Variants in WDR72 observed in about 807,000 individuals in gnomAD.
WDR72 encodes the protein WD repeat-containing protein 72.
Under a neutral mutation model 124.2 loss-of-function variants are expected in WDR72, and 120 were observed. That is an observed-to-expected ratio of 0.97 (90% CI 0.83 to 1.12). The LOEUF (loss-of-function observed/expected upper bound fraction) is 1.12, where lower values mean the gene tolerates loss of function less well. Among genes scored for constraint, WDR72 ranks in the 50% most tolerant of loss-of-function variants. The pLI is 0.00. For missense variants in WDR72, 1,387 were observed against 1,278.8 expected (o/e 1.08, Z -1.29); for synonymous variants, 452 against 441.7 (o/e 1.02, Z -0.29).
At chr15:53,556,922 C>T (rs986353687) in intron 18 of WDR72, among the ~76,000 whole-genome samples, 20 of 151,946 alleles carry the variant, frequency 1.3e-4, no homozygotes, top group African/African-American at 4.1e-4. Context: ...ATATAGTACA[C>T]ATACACATAC....
At chr15:53,683,282 G>A (rs2016465163) in intron 13 of WDR72, among the ~76,000 whole-genome samples, 1 of 152,114 alleles carries the variant, frequency 6.6e-6, no homozygotes, top group African/African-American at 2.4e-5. Flanking sequence ...CATCAGAATA[G>A]GGTGACTAGA....
chr15:53,663,881 T>A (rs2015690503), intron 14 of WDR72, among the ~76,000 whole-genome samples: 1 of 151,146 alleles, frequency 6.6e-6, no homozygotes, highest in Admixed American at 6.6e-5. Flanking sequence ...GAAGTTTCAA[T>A]GCATCTCTAT....
intron 9 of WDR72, among the ~76,000 whole-genome samples, chr15:53,709,950 C>G (rs1385010304): frequency 1.3e-5 from 2 of 152,160 alleles, no homozygotes; most frequent in Non-Finnish European, 2.9e-5. Flanking sequence ...CTTCCACTCT[C>G]CATGAAATAA....
chr15:53,603,717 G>C (rs1052051365), intron 17 of WDR72, among the ~76,000 whole-genome samples: 1 of 151,976 alleles, frequency 6.6e-6, no homozygotes, highest in African/African-American at 2.4e-5. Flanking sequence ...AATCACAAAC[G>C]AACTCCCATT....
chr15:53,745,026 C>A (rs944216447), intron 1 of WDR72, among the ~76,000 whole-genome samples: 10 of 104,398 alleles, frequency 9.6e-5, no homozygotes, highest in Admixed American at 8.6e-4. Flanking sequence ...TCAAACTATA[C>A]TTTATTGTAA....
intron 18 of WDR72, among the ~76,000 whole-genome samples, chr15:53,562,733 C>G (rs1446553348): frequency 6.6e-6 from 1 of 151,812 alleles, no homozygotes; most frequent in Admixed American, 6.6e-5. Flanking sequence ...CTATCCCCTA[C>G]TGCAAACCCT....
At chr15:53,760,212 A>T (rs1266958367), upstream of WDR72, among the ~76,000 whole-genome samples, 1 of 151,958 alleles carries the variant, frequency 6.6e-6, no homozygotes, top group Non-Finnish European at 1.5e-5. Flanking sequence ...TAACTGCACA[A>T]TTATATTATT....
intron 14 of WDR72, among the ~76,000 whole-genome samples, chr15:53,653,890 T>C (rs2015327322): frequency 6.6e-6 from 1 of 152,124 alleles, no homozygotes; most frequent in Non-Finnish European, 1.5e-5. Context: ...AGATATAATA[T>C]ATTTTAAAAT....
intron 18 of WDR72, among the ~76,000 whole-genome samples, chr15:53,585,590 G>A (rs775028207): frequency 1.6e-4 from 24 of 151,968 alleles, no homozygotes; most frequent in African/African-American, 4.1e-4. Flanking sequence ...TTTGTCTACC[G>A]TCTGTCTATT....
chr15:53,567,694 T>C (rs1005856154), intron 18 of WDR72, among the ~76,000 whole-genome samples: 1 of 152,118 alleles, frequency 6.6e-6, no homozygotes, highest in African/African-American at 2.4e-5. Context: ...AAACACCTTT[T>C]TTATGTGTTT....
intron 19 of WDR72, among the ~76,000 whole-genome samples, chr15:53,522,221 T>C (rs1401004593): frequency 6.6e-6 from 1 of 152,020 alleles, no homozygotes; most frequent in African/African-American, 2.4e-5. Flanking sequence ...TAACTCTCCT[T>C]GGGGAAGGAT....
intron 2 of WDR72, among the ~76,000 whole-genome samples, chr15:53,730,889 G>T (rs556114442): frequency 5.3e-5 from 8 of 152,206 alleles, no homozygotes; most frequent in African/African-American, 1.4e-4. Flanking sequence ...ACTGAAAAGT[G>T]CCCTTGATTT....
intron 3 of WDR72, among the ~76,000 whole-genome samples, chr15:53,722,104 G>T (rs1015907384): frequency 2.6e-5 from 4 of 151,672 alleles, no homozygotes; most frequent in Non-Finnish European, 5.9e-5. Flanking sequence ...CGCCATCTTA[G>T]CTCACTGCAA....
At chr15:53,600,669 GGTT>G (rs1357374343) in intron 17 of WDR72, among the ~76,000 whole-genome samples, 3 of 152,088 alleles carry the variant, frequency 2.0e-5, no homozygotes, top group African/African-American at 4.8e-5. Context: ...CCTGTGTCCT[GGTT>G]GTTGTTCCAG....
chr15:53,729,113 C>T (rs1194287384), intron 2 of WDR72, among the ~76,000 whole-genome samples: 1 of 152,134 alleles, frequency 6.6e-6, no homozygotes, highest in African/African-American at 2.4e-5. Context: ...AGCTCCCAAA[C>T]CCTAAATCTG....
chr15:53,655,943 G>A (rs1024245379), intron 14 of WDR72, among the ~76,000 whole-genome samples: 3 of 152,158 alleles, frequency 2.0e-5, no homozygotes, highest in African/African-American at 7.2e-5. Flanking sequence ...CACCCACCTC[G>A]GCCTCCCAAA....
chr15:53,533,727 T>C (rs1477440811), intron 18 of WDR72, among the ~76,000 whole-genome samples: 1 of 152,168 alleles, frequency 6.6e-6, no homozygotes, highest in African/African-American at 2.4e-5. Context: ...GGATATGCCA[T>C]TTATTTACTG....
intron 14 of WDR72, among the ~76,000 whole-genome samples, chr15:53,617,699 C>T (rs1458569551): frequency 1.3e-5 from 2 of 151,676 alleles, no homozygotes; most frequent in African/African-American, 4.8e-5. Context: ...ATTTTTACTA[C>T]AAGTAGTAAC....
intron 14 of WDR72, among the ~76,000 whole-genome samples, chr15:53,658,498 C>T (rs1415043020): frequency 6.6e-6 from 1 of 152,186 alleles, no homozygotes; most frequent in Non-Finnish European, 1.5e-5. Context: ...CTGTCAACAT[C>T]TGTGGGTGTT....
Sources: allele counts gnomAD v4.1 joint callset (sites outside exome capture counted in the v4.1 genomes callset), GRCh38; gene constraint gnomAD v4.1.1; transcripts MANE v1.5; gene names NCBI Gene and HGNC (gene_info 2026-07-23, HGNC 2026-07-21).